The following G6PD variants were observed in gnomAD, a reference collection of about 807,000 sequenced individuals.
G6PD encodes the protein glucose-6-phosphate dehydrogenase, also known as glucose-6-phosphate 1-dehydrogenase.
Under a neutral mutation model 38.2 loss-of-function variants are expected in G6PD, and 2 were observed. The observed-to-expected ratio is 0.05, with a 90% confidence interval of 0.02 to 0.16. The LOEUF (loss-of-function observed/expected upper bound fraction) is 0.16, where lower values mean the gene tolerates loss of function less well. G6PD is among the 10% of genes least tolerant of loss of function. The pLI, the probability that G6PD is intolerant of heterozygous loss-of-function variation, is 1.00. For synonymous variants in G6PD, 188 were observed against 196.0 expected (o/e 0.96, Z 0.34); for missense variants, 310 against 471.6 (o/e 0.66, Z 3.17).
chrX:154,539,146 C>T (rs781832571), intron 2 of G6PD, among the ~76,000 whole-genome samples: 41 of 111,630 alleles, frequency 3.7e-4, no homozygotes, highest in Admixed American at 7.7e-4. Flanking sequence ...ACACACCTAT[C>T]CTGTGACCTG....
At chrX:154,545,690 C>T in intron 2 of G6PD, 1 of 224,364 alleles carries the variant, frequency 4.5e-6, no homozygotes. Context: ...CAAAAATTAG[C>T]CGGGTGTGGT....
chrX:154,539,286 C>A (rs948858855), intron 2 of G6PD, among the ~76,000 whole-genome samples: 2 of 111,893 alleles, frequency 1.8e-5, no homozygotes, highest in African/African-American at 6.5e-5. Context: ...ACATGTGACC[C>A]GGCAAACTGT....
intron 2 of G6PD, among the ~76,000 whole-genome samples, chrX:154,544,850 G>A (rs782326747): frequency 8.9e-6 from 1 of 112,434 alleles, no homozygotes; most frequent in Admixed American, 9.4e-5. Context: ...GTGACAGCGC[G>A]TTGTTCTATG....
upstream of G6PD, chrX:154,547,265 G>C: frequency 2.9e-6 from 2 of 696,482 alleles, no homozygotes; most frequent in Non-Finnish European, 3.4e-6. Context: ...CGGCTCCTGG[G>C]CGGGGCCTTC....
intron 3 of G6PD, 44 bp downstream of exon 3, chrX:154,536,097 G>A: frequency 8.3e-7 from 1 of 1,204,533 alleles, no homozygotes. Flanking sequence ...GACCAGGCCT[G>A]TCCCTGGCGG....
At chrX:154,541,576 C>T (rs2070506267) in intron 2 of G6PD, among the ~76,000 whole-genome samples, 1 of 111,906 alleles carries the variant, frequency 8.9e-6, no homozygotes, top group Non-Finnish European at 1.9e-5. Context: ...CATCGGGAAA[C>T]CTGACAGCTT....
intron 2 of G6PD, among the ~76,000 whole-genome samples, chrX:154,545,419 C>G (rs1005681607): frequency 4.5e-5 from 5 of 111,953 alleles, no homozygotes; most frequent in African/African-American, 6.5e-5. Flanking sequence ...ATGAACAGGT[C>G]TGAAAAAACT....
intron 2 of G6PD, among the ~76,000 whole-genome samples, chrX:154,543,869 ATTTT>A (rs1306269568): frequency 1.2e-5 from 1 of 83,658 alleles, no homozygotes. Flanking sequence ...AATTTTTGTT[ATTTT>A]TTTTTTTTTT....
upstream of G6PD, chrX:154,547,162 T>A (rs1416483861): frequency 4.3e-5 from 8 of 186,520 alleles, no homozygotes; most frequent in Non-Finnish European, 5.9e-5. Flanking sequence ...GCCCCTACTG[T>A]CCGGTTTCCC....
upstream of G6PD, chrX:154,547,117 T>C (rs1239548910): frequency 6.8e-6 from 1 of 146,734 alleles, no homozygotes; most frequent in East Asian, 2.0e-4. Flanking sequence ...CAGCTCCGCG[T>C]AGTGCTCCCG....
intron 2 of G6PD, among the ~76,000 whole-genome samples, chrX:154,544,279 A>G (rs1472579455): frequency 9.0e-6 from 1 of 110,891 alleles, no homozygotes; most frequent in Non-Finnish European, 1.9e-5. Context: ...CTACTGCCTC[A>G]GCCTACTGAG....
intron 2 of G6PD, among the ~76,000 whole-genome samples, chrX:154,537,076 C>T (rs2070416905): frequency 9.0e-6 from 1 of 111,577 alleles, no homozygotes; most frequent in South Asian, 3.7e-4. Context: ...GAGGCCGAGG[C>T]AGGCGGATCA....
In G6PD at chrX:154,532,110, G is replaced by C; in HGVS notation, c.1458-20C>G. 8.3e-7 allele frequency: 1 copy of C among 1,204,212 alleles called. No homozygotes were observed. The highest frequency in any genetic ancestry group is 1.1e-6 in the Non-Finnish European group (1 of 892,043). ...CCTCGGCTGGAGAGTGACGGGTGGAGGAGAGGCATGAGGTAGCTCCACCCT... is the reference window on the plus strand; with the variant it reads ...CCTCGGCTGGAGAGTGACGGGTGGACGAGAGGCATGAGGTAGCTCCACCCT... On this transcript the variant is annotated intron_variant, in intron 12 of 12. Transcript: ENST00000393562.
At chrX:154,546,649 G>T in intron 1 of G6PD, 140 bp downstream of exon 1, 1 of 508,216 alleles carries the variant, frequency 2.0e-6, no homozygotes, top group Admixed American at 4.1e-5. Context: ...GAGGAGGTGC[G>T]GGGTATAAAG....
At chrX:154,546,713 G>A (rs934195145) in intron 1 of G6PD, 76 bp downstream of exon 1, 4 of 842,985 alleles carry the variant, frequency 4.7e-6, no homozygotes, top group African/African-American at 4.1e-5. Context: ...AACAAACAGC[G>A]TGTATTTTAC....
In G6PD at chrX:154,535,784, G is replaced by A. The variant is rs2148331733; in HGVS notation, c.267+153C>T. 7.7e-6 allele frequency: 4 copies of A among 520,954 alleles called. No homozygotes were observed. The South Asian group carries it at 7.8e-5, about 10-fold the overall frequency. 42.9% of individuals were successfully genotyped at this position (520,954 alleles called of 1,213,427 possible). ...GGTCCTGGTCACGGGGGCTGGTAAT[G>A]GGGGTCTCAAGGAAGTACGAGAGCA... On this transcript the variant is annotated intron_variant, in intron 4 of 12. Coordinates refer to ENST00000393562, the MANE Select transcript of G6PD (RefSeq NM_001360016.2).
chrX:154,533,662 T>C lies in G6PD; in HGVS notation c.778A>G (p.Met260Val). 8.3e-7 allele frequency: 1 copy of C among 1,211,984 alleles called. No individual in the cohort carries two copies. The part of the protein sequence containing the change: ...FDEFGIIRDV[M>V]QNHLLQMLCL... ...AGCATCTGCAGTAGGTGGTTCTGCATCACGTCCCTGGGGACGGAAGAGGCC... is the reference window on the plus strand; with the variant it reads ...AGCATCTGCAGTAGGTGGTTCTGCACCACGTCCCTGGGGACGGAAGAGGCC... The change falls in exon 8 of 13, where the codon ATG (methionine) becomes GTG (valine). Residue 260 changes from methionine (M) to valine (V), a missense_variant. By Grantham distance (21) the Met-to-Val change is conservative. Coordinates refer to ENST00000393562, the MANE Select transcript of G6PD (RefSeq NM_001360016.2).
At position 154,534,560 on chromosome X, in the gene G6PD, T is replaced by G; in HGVS notation, c.486-64A>C. ...CTCTTCGGGGAGTGAGGATCAGAGC[T>G]GCATCATTCAGACGCCCTCCCAGGG... On this transcript the variant is annotated intron_variant, in intron 5 of 12. Coordinates refer to ENST00000393562, the MANE Select transcript of G6PD (RefSeq NM_001360016.2). 4 of 1,181,791 alleles carry G rather than the reference T, an allele frequency of 3.4e-6. No individual in the cohort carries two copies. The South Asian group carries it at 7.1e-5, about 21-fold the overall frequency.
At position 154,534,114 on chromosome X, in the gene G6PD, C is replaced by T; in HGVS notation, c.691G>A (p.Ala231Thr). 1.7e-6 allele frequency: 2 copies of T among 1,211,804 alleles called. No homozygotes were observed. The highest frequency in any genetic ancestry group is 2.2e-6 in the Non-Finnish European group (2 of 895,480). The part of the protein sequence containing the change: ...FGPIWNRDNI[A>T]CVILTFKEPF... ...TCCTTGAAGGTGAGGATAACGCAGG[C>T]GATGTTGTCCCGGTTCCAGATGGGG... Residue 231 changes from alanine (A) to threonine (T), a missense_variant, in exon 7 of 13, where the codon GCC becomes ACC. By Grantham distance (58) the Ala-to-Thr change is moderately conservative. This residue lies in a region of G6PD where 168 missense variants were observed against 309.2 expected (regional missense o/e 0.54). Coordinates refer to ENST00000393562, the MANE Select transcript of G6PD (RefSeq NM_001360016.2).
Sources: gnomAD v4.1 joint callset for allele counts (sites outside exome capture counted in the v4.1 genomes callset) on GRCh38, gnomAD v4.1.1 for gene constraint, gnomAD v4.1.1 regional missense constraint, MANE v1.5 for transcripts, NCBI Gene and HGNC (gene_info 2026-07-23, HGNC 2026-07-21) for gene names.